The following BCL2 variants were observed in gnomAD, a reference collection of about 807,000 sequenced individuals.
BCL2 encodes the protein BCL2 apoptosis regulator.
BCL2 carries 1 observed loss-of-function variant against 14.2 expected under a neutral mutation model. The ratio of observed to expected loss-of-function variants is 0.07; its 90% CI spans 0.02 to 0.33. The LOEUF (loss-of-function observed/expected upper bound fraction) is 0.33, where lower values mean the gene tolerates loss of function less well. BCL2 is among the 10% of genes least tolerant of loss of function. The pLI is 0.99. For synonymous variants in BCL2, 151 were observed against 137.2 expected, an observed-to-expected ratio of 1.10 and a Z score of -0.70; for missense variants, 247 against 305.9, an observed-to-expected ratio of 0.81 and a Z score of 1.44.
chr18:63,243,366 AT>A (rs1301094825), intron 2 of BCL2, among the ~76,000 whole-genome samples: 2 of 152,124 alleles, frequency 1.3e-5, no homozygotes, highest in Non-Finnish European at 2.9e-5. Flanking sequence ...CTATCAGAGG[AT>A]GAAGGGTGGG....
chr18:63,271,299 T>G (rs1220339951), intron 2 of BCL2, among the ~76,000 whole-genome samples: 2 of 152,130 alleles, frequency 1.3e-5, no homozygotes, highest in Non-Finnish European at 2.9e-5. Flanking sequence ...GGAAAACCAA[T>G]TAAAGGGACA....
chr18:63,200,109 G>A (rs1909648046), intron 2 of BCL2, among the ~76,000 whole-genome samples: 1 of 152,172 alleles, frequency 6.6e-6, no homozygotes. Flanking sequence ...TCTGCAGGAA[G>A]CCCTCACAGA....
chr18:63,141,132 T>A (rs981550115), intron 2 of BCL2, among the ~76,000 whole-genome samples: 14 of 152,192 alleles, frequency 9.2e-5, no homozygotes, highest in Admixed American at 3.9e-4. Context: ...ATTTTCCTCA[T>A]CTGAAAACTC....
intron 2 of BCL2, among the ~76,000 whole-genome samples, chr18:63,303,870 C>G (rs878996005): frequency 6.6e-6 from 1 of 152,094 alleles, no homozygotes; most frequent in Non-Finnish European, 1.5e-5. Flanking sequence ...GAAAAGATTG[C>G]GCTAAACATT....
intron 2 of BCL2, among the ~76,000 whole-genome samples, chr18:63,166,089 C>T (rs183017559): frequency 6.6e-6 from 1 of 152,300 alleles, no homozygotes; most frequent in Non-Finnish European, 1.5e-5. Context: ...AGTATGAGGA[C>T]CAGCTGCTGG....
intron 2 of BCL2, among the ~76,000 whole-genome samples, chr18:63,213,137 C>T (rs1179197921): frequency 6.6e-6 from 1 of 152,148 alleles, no homozygotes; most frequent in Non-Finnish European, 1.5e-5. Flanking sequence ...CTCCCATAAC[C>T]TCCCCTACAT....
intron 2 of BCL2, among the ~76,000 whole-genome samples, chr18:63,203,716 T>C (rs1294114739): frequency 1.3e-5 from 2 of 151,206 alleles, no homozygotes; most frequent in African/African-American, 2.5e-5. Context: ...ACACACATAA[T>C]GGGGCCAATT....
chr18:63,295,647 C>G (rs969519016), intron 2 of BCL2, among the ~76,000 whole-genome samples: 1 of 152,120 alleles, frequency 6.6e-6, no homozygotes, highest in African/African-American at 2.4e-5. Context: ...ACCCAAGGCC[C>G]GTTGCCCTAA....
intron 2 of BCL2, among the ~76,000 whole-genome samples, chr18:63,206,282 C>T (rs1202968406): frequency 2.0e-5 from 3 of 152,220 alleles, no homozygotes; most frequent in Admixed American, 6.5e-5. Context: ...GTGGCCAATA[C>T]CCAAGCGTTA....
intron 2 of BCL2, among the ~76,000 whole-genome samples, chr18:63,206,310 C>T (rs1336581180): frequency 6.6e-6 from 1 of 152,214 alleles, no homozygotes; most frequent in Non-Finnish European, 1.5e-5. Flanking sequence ...AAAGGTCCCT[C>T]CAAGGATAAA....
At chr18:63,258,266 A>C (rs1195890521) in intron 2 of BCL2, among the ~76,000 whole-genome samples, 1 of 152,216 alleles carries the variant, frequency 6.6e-6, no homozygotes, top group Non-Finnish European at 1.5e-5. Flanking sequence ...ATAAATTTCT[A>C]TTGTTTTAAG....
chr18:63,258,142 T>C (rs761540322), intron 2 of BCL2, among the ~76,000 whole-genome samples: 17 of 152,306 alleles, frequency 1.1e-4, no homozygotes, highest in South Asian at 6.2e-4. Flanking sequence ...TAAGGACCGA[T>C]GGCACTTCCA....
intron 2 of BCL2, among the ~76,000 whole-genome samples, chr18:63,213,547 A>AACACACACACACACACACACATAAACAC (rs1910108893): frequency 1.4e-5 from 2 of 146,240 alleles, no homozygotes; most frequent in African/African-American, 5.1e-5. Context: ...CACACACATA[A>AACACACACACACACACACACATAAACAC]ACACACACAC....
rs761696930 is a variant in BCL2, at chr18:63,318,363, C to T, written c.304G>A (p.Asp102Asn). Residue 102 changes from aspartate (D) to asparagine (N), a missense_variant, in exon 2 of 3, where the codon GAC becomes AAC. Physicochemically the swap from Asp to Asn is conservative, Grantham distance 23. Transcript: ENST00000333681. This position sits in a 1 kb window ranked among gnomAD's most constrained non-coding sequence, Gnocchi z 7.4. ...VVHLTLRQAG[D>N]DFSRRYRRDF... The stretch of plus-strand genomic sequence containing the variant: ...CGGCGGTAGCGGCGGGAGAAGTCGT[C>T]GCCGGCCTGGCGGAGGGTCAGGTGG... The T allele has an allele frequency of 1.2e-6, 2 of 1,606,308 alleles. No homozygotes were observed. Among genetic ancestry groups the T allele is most frequent in the Non-Finnish European group, 1.7e-6 (2 of 1,175,558 alleles).
At chr18:63,301,828 T>C (rs1276080254) in intron 2 of BCL2, among the ~76,000 whole-genome samples, 3 of 152,182 alleles carry the variant, frequency 2.0e-5, no homozygotes, top group African/African-American at 7.2e-5. Context: ...TCCCTTCTCC[T>C]GAGATCAAAC....
intron 2 of BCL2, among the ~76,000 whole-genome samples, chr18:63,140,730 A>G (rs537811759): frequency 1.3e-5 from 2 of 152,376 alleles, no homozygotes; most frequent in South Asian, 4.1e-4. Context: ...GCTAAGGGTG[A>G]TGGCTGTATA....
At chr18:63,265,787 G>A (rs986746274) in intron 2 of BCL2, among the ~76,000 whole-genome samples, 28 of 152,074 alleles carry the variant, frequency 1.8e-4, no homozygotes, top group Admixed American at 1.6e-3. Context: ...AAGAGCCAAC[G>A]AATACTAAAT....
At chr18:63,197,738 A>G (rs1599238019) in intron 2 of BCL2, among the ~76,000 whole-genome samples, 1 of 151,990 alleles carries the variant, frequency 6.6e-6, no homozygotes, top group African/African-American at 2.4e-5. Flanking sequence ...GTAATATTCA[A>G]TTTCCCATCC....
chr18:63,237,789 T>C (rs4987765), intron 2 of BCL2, among the ~76,000 whole-genome samples: 6,388 of 152,278 alleles, frequency 0.042, 226 homozygotes, highest in African/African-American at 0.098. Context: ...AAACACCAAA[T>C]CTGGATGGAA....
Sources: gnomAD v4.1 joint callset for allele counts (sites outside exome capture counted in the v4.1 genomes callset) on GRCh38, gnomAD v4.1.1 for gene constraint, Gnocchi (gnomAD v3.1) non-coding constraint, MANE v1.5 for transcripts, NCBI Gene and HGNC (gene_info 2026-07-23, HGNC 2026-07-21) for gene names.